TINAG: variants seen among roughly 807,000 people sequenced by gnomAD.
TINAG encodes the protein tubulointerstitial nephritis antigen.
In TINAG, 83 loss-of-function variants were observed where a neutral mutation model predicts 72.7. The ratio of observed to expected loss-of-function variants is 1.14; its 90% CI spans 0.96 to 1.37. The LOEUF (loss-of-function observed/expected upper bound fraction) is 1.37, where lower values mean the gene tolerates loss of function less well. TINAG is among the 40% of genes most tolerant of loss of function. The pLI is 0.00. For missense variants in TINAG, 685 were observed against 576.6 expected (o/e 1.19, Z -1.93); for synonymous variants, 234 against 189.9 (o/e 1.23, Z -1.91).
intron 4 of TINAG, among the ~76,000 whole-genome samples, chr6:54,334,198 G>T (rs1418028548): frequency 6.6e-6 from 1 of 152,186 alleles, no homozygotes; most frequent in African/African-American, 2.4e-5. Flanking sequence ...TTCAAGGCCT[G>T]TTATGAATGC....
intron 6 of TINAG, among the ~76,000 whole-genome samples, chr6:54,348,390 A>G (rs1785176976): frequency 6.6e-6 from 1 of 152,134 alleles, no homozygotes; most frequent in Non-Finnish European, 1.5e-5. Flanking sequence ...TTAAGAACTT[A>G]AAAATGTAAA....
Position 54,380,571 on chromosome 6 carries a change from G to A in TINAG, c.1296G>A (p.Trp432Ter), listed in dbSNP as rs1207349457. 2 of 1,608,950 alleles carry A rather than the reference G, an allele frequency of 1.2e-6. No individual in the cohort carries two copies. The highest frequency in any genetic ancestry group is 2.2e-5 in the East Asian group (1 of 44,534). ...RGAQGQKEKF[W>*]IAANSWGKSW... ...CACAAGGGCAGAAAGAAAAATTTTG[G>A]GTATGTAACTCTTTCCAGTTGAATT... The change falls in exon 10 of 11, where the codon TGG becomes TGA. Residue 432 changes from tryptophan (W) to a stop codon, truncating the protein, a stop_gained and splice_region_variant. Transcript: ENST00000259782. LOFTEE classifies it high-confidence loss of function.
At chr6:54,340,711 A>G (rs1784976292) in intron 4 of TINAG, among the ~76,000 whole-genome samples, 1 of 152,170 alleles carries the variant, frequency 6.6e-6, no homozygotes, top group Admixed American at 6.5e-5. Context: ...TGATCTTCAT[A>G]AATTGATCTG....
chr6:54,327,168 C>T (rs756771312), intron 4 of TINAG: 70 of 1,546,628 alleles, frequency 4.5e-5, no homozygotes, highest in Middle Eastern at 1.7e-4. Context: ...GGCAAGATGG[C>T]CGATCAAGAA....
chr6:54,334,815 C>A (rs996985300), intron 4 of TINAG, among the ~76,000 whole-genome samples: 1 of 152,168 alleles, frequency 6.6e-6, no homozygotes, highest in Non-Finnish European at 1.5e-5. Flanking sequence ...AGTAAAAAGA[C>A]TTTTAATCTC....
At position 54,311,803 on chromosome 6, in the gene TINAG, T is replaced by C. The variant is rs145458856; in HGVS notation, c.355+2898T>C. Among the ~76,000 whole-genome samples, 25 of 152,286 alleles carry C rather than the reference T, an allele frequency of 1.6e-4. No homozygotes were observed. In the East Asian group the frequency reaches 4.6e-3, roughly 28 times the overall value. Reference sequence around the variant, plus strand: ...ACATTAATCTTCCATAAACAGTTTTTGAATAAGTTTTTTTAGTTCCTCAAA... The same window carrying C: ...ACATTAATCTTCCATAAACAGTTTTCGAATAAGTTTTTTTAGTTCCTCAAA... On this transcript the variant is annotated intron_variant, in intron 1 of 10. Coordinates refer to ENST00000259782, the MANE Select transcript of TINAG (RefSeq NM_014464.4).
chr6:54,356,436 C>T (rs1763043848), intron 9 of TINAG, among the ~76,000 whole-genome samples: 1 of 151,916 alleles, frequency 6.6e-6, no homozygotes, highest in Non-Finnish European at 1.5e-5. Flanking sequence ...ACTCAGGAGG[C>T]TGAGGCACGA....
intron 10 of TINAG, among the ~76,000 whole-genome samples, chr6:54,384,424 C>A (rs1764037203): frequency 6.6e-6 from 1 of 151,994 alleles, no homozygotes; most frequent in East Asian, 1.9e-4. Flanking sequence ...CACGATCAAA[C>A]AGCTGAAGAT....
intron 9 of TINAG, among the ~76,000 whole-genome samples, chr6:54,369,191 C>G (rs1024143223): frequency 1.3e-5 from 2 of 151,856 alleles, no homozygotes; most frequent in African/African-American, 4.8e-5. Flanking sequence ...GCTTGCTCCT[C>G]ATGAGCTTAC....
intron 3 of TINAG, among the ~76,000 whole-genome samples, chr6:54,323,664 A>C (rs1038896631): frequency 6.6e-6 from 1 of 152,224 alleles, no homozygotes; most frequent in African/African-American, 2.4e-5. Context: ...ATACAAATAA[A>C]TCATTTTGGC....
intron 4 of TINAG, among the ~76,000 whole-genome samples, chr6:54,332,456 C>CA (rs553013832): frequency 6.6e-6 from 1 of 152,096 alleles, no homozygotes; most frequent in Non-Finnish European, 1.5e-5. Context: ...ACACCTTATA[C>CA]AAAAATTAAC....
intron 9 of TINAG, among the ~76,000 whole-genome samples, chr6:54,373,982 G>A (rs889185302): frequency 1.3e-5 from 2 of 152,080 alleles, no homozygotes; most frequent in African/African-American, 2.4e-5. Flanking sequence ...ATGTATAGAT[G>A]TTTTAATGCA....
chr6:54,376,411 G>A (rs1265824892), intron 9 of TINAG, among the ~76,000 whole-genome samples: 2 of 151,972 alleles, frequency 1.3e-5, no homozygotes, highest in African/African-American at 4.8e-5. Flanking sequence ...TACCTTAAAA[G>A]GGATACTTAT....
chr6:54,385,271 A>T (rs752510410), intron 10 of TINAG, among the ~76,000 whole-genome samples: 2 of 152,102 alleles, frequency 1.3e-5, no homozygotes, highest in African/African-American at 2.4e-5. Context: ...ACTGAAAAAG[A>T]AACAAGGAGA....
chr6:54,374,639 A>G (rs1335672097), intron 9 of TINAG, among the ~76,000 whole-genome samples: 1 of 152,086 alleles, frequency 6.6e-6, no homozygotes, highest in Admixed American at 6.6e-5. Flanking sequence ...ATCTTTGTGT[A>G]ATGGGAACTA....
chr6:54,329,863 A>G lies in TINAG; in HGVS notation c.624+2947A>G, dbSNP rs541526665. Among the ~76,000 whole-genome samples, 3 of 152,300 alleles carry G rather than the reference A, an allele frequency of 2.0e-5. No homozygotes were observed. In the East Asian group the frequency reaches 5.8e-4, roughly 29 times the overall value. ...GCAGAATTTAAACAAAGAAAGATCA[A>G]AAAAGACCAAGAAGGGCATTACATA... On this transcript the variant is annotated intron_variant, in intron 4 of 10. Coordinates refer to ENST00000259782, the MANE Select transcript of TINAG (RefSeq NM_014464.4).
chr6:54,325,482 CT>C (rs995179174), intron 3 of TINAG, among the ~76,000 whole-genome samples: 1 of 152,136 alleles, frequency 6.6e-6, no homozygotes, highest in African/African-American at 2.4e-5. Context: ...ATACATTTTA[CT>C]TTGTGATCTA....
chr6:54,356,559 T>A (rs1763046975), intron 9 of TINAG, among the ~76,000 whole-genome samples: 1 of 151,828 alleles, frequency 6.6e-6, no homozygotes, highest in Non-Finnish European at 1.5e-5. Context: ...GTCATATTAA[T>A]GCTCAAAGAT....
intron 9 of TINAG, among the ~76,000 whole-genome samples, chr6:54,375,231 T>A (rs1259373585): frequency 6.6e-6 from 1 of 152,198 alleles, no homozygotes; most frequent in Admixed American, 6.6e-5. Flanking sequence ...CACAGAAGAA[T>A]TCCTGTAGAG....
Sources: gnomAD v4.1 joint callset for allele counts (sites outside exome capture counted in the v4.1 genomes callset) on GRCh38, gnomAD v4.1.1 for gene constraint, MANE v1.5 for transcripts, NCBI Gene and HGNC (gene_info 2026-07-23, HGNC 2026-07-21) for gene names.